Variants in FBXW11 observed in about 807,000 individuals in gnomAD.
The protein encoded by FBXW11 is F-box and WD repeat domain containing 11.
In FBXW11, 19 loss-of-function variants were observed where a neutral mutation model predicts 77.6. The observed-to-expected ratio is 0.24, with a 90% CI of 0.17 to 0.36. The LOEUF (loss-of-function observed/expected upper bound fraction) is 0.36. Among genes scored for constraint, FBXW11 ranks in the 10% least tolerant of loss-of-function variants. The probability of loss-of-function intolerance (pLI) is 1.00; values close to 1 mark genes in which losing one functional copy is unlikely to be tolerated. For missense variants in FBXW11, 334 were observed against 704.2 expected (o/e 0.47, Z 5.95); for synonymous variants, 235 against 249.4 (o/e 0.94, Z 0.54).
chr5:171,934,121 G>A (rs867003645), intron 2 of FBXW11, among the ~76,000 whole-genome samples: 5 of 152,244 alleles, frequency 3.3e-5, no homozygotes, highest in South Asian at 2.1e-4. Context: ...GCCTTAGTGC[G>A]TAAGCGCATA....
At chr5:171,878,521 C>A (rs1758255874) in intron 7 of FBXW11, among the ~76,000 whole-genome samples, 1 of 150,310 alleles carries the variant, frequency 6.7e-6, no homozygotes, top group East Asian at 1.9e-4. Context: ...AAAAGACCAG[C>A]CTGGGCAACA....
intron 4 of FBXW11, 101 bp downstream of exon 4, chr5:171,910,471 C>T: frequency 1.4e-6 from 1 of 691,230 alleles, no homozygotes; most frequent in Non-Finnish European, 2.4e-6. Context: ...AGAAATGCTG[C>T]CTCACACAGT....
chr5:171,902,394 T>C (rs1440464796), intron 4 of FBXW11, among the ~76,000 whole-genome samples: 5 of 152,190 alleles, frequency 3.3e-5, no homozygotes, highest in African/African-American at 7.2e-5. Context: ...ATTTATAAAG[T>C]GTAGATGAGC....
At position 171,872,037 on chromosome 5, in the gene FBXW11, A is replaced by C. The variant is rs982407156; in HGVS notation, c.1340+835T>G. ...CTAAACTAAATTTATGGTATCTTGAAGCCTAAAGTGATAAAGCAAACTTAA... is the reference window on the plus strand; with the variant it reads ...CTAAACTAAATTTATGGTATCTTGACGCCTAAAGTGATAAAGCAAACTTAA... On this transcript the variant is annotated intron_variant, in intron 10 of 13. Transcript: ENST00000517395. 4.6e-5 allele frequency among the ~76,000 whole-genome samples: 7 copies of C among 152,368 alleles called. No individual in the cohort carries two copies. In the South Asian group the frequency reaches 1.4e-3, roughly 32 times the overall value.
At chr5:171,917,403 T>G (rs1581198848) in intron 2 of FBXW11, among the ~76,000 whole-genome samples, 1 of 152,206 alleles carries the variant, frequency 6.6e-6, no homozygotes. Flanking sequence ...TCACTCTTCA[T>G]TTATTCCAAA....
chr5:171,921,240 G>T (rs980062325), intron 2 of FBXW11, among the ~76,000 whole-genome samples: 47 of 152,134 alleles, frequency 3.1e-4, no homozygotes, highest in African/African-American at 1.1e-3. Flanking sequence ...GGTACAACAG[G>T]CTCTTAGCAG....
At chr5:171,962,181 A>G (rs1337509485) in intron 1 of FBXW11, among the ~76,000 whole-genome samples, 1 of 152,092 alleles carries the variant, frequency 6.6e-6, no homozygotes, top group Non-Finnish European at 1.5e-5. Context: ...TACCATGGGT[A>G]TTTACCAATT....
chr5:171,937,388 T>C (rs1762532382), intron 2 of FBXW11, among the ~76,000 whole-genome samples: 1 of 152,192 alleles, frequency 6.6e-6, no homozygotes, highest in Non-Finnish European at 1.5e-5. Context: ...TGGCAAGCTT[T>C]TTCTGTAAAG....
chr5:171,973,944 T>C (rs977196839), intron 1 of FBXW11, among the ~76,000 whole-genome samples: 1 of 152,230 alleles, frequency 6.6e-6, no homozygotes, highest in Non-Finnish European at 1.5e-5. Context: ...TGGAATGATA[T>C]ATATGTGTGT....
chr5:171,962,364 C>T (rs953542561), intron 1 of FBXW11, among the ~76,000 whole-genome samples: 3 of 152,062 alleles, frequency 2.0e-5, no homozygotes, highest in Non-Finnish European at 2.9e-5. Flanking sequence ...GTTATAATTT[C>T]GTATTTAGCT....
chr5:171,951,831 T>C (rs1044981796), intron 2 of FBXW11, among the ~76,000 whole-genome samples: 33 of 152,120 alleles, frequency 2.2e-4, no homozygotes, highest in African/African-American at 8.0e-4. Flanking sequence ...GAAACAGTGG[T>C]TTGTAAAACT....
At chr5:171,943,498 C>T (rs1253908108) in intron 2 of FBXW11, among the ~76,000 whole-genome samples, 1 of 152,140 alleles carries the variant, frequency 6.6e-6, no homozygotes, top group Non-Finnish European at 1.5e-5. Context: ...CTCGCTCTGT[C>T]GCCAGGCTGG....
intron 6 of FBXW11, among the ~76,000 whole-genome samples, chr5:171,895,992 T>G (rs1323606538): frequency 6.6e-6 from 1 of 152,184 alleles, no homozygotes; most frequent in African/African-American, 2.4e-5. Context: ...AAGCTTACAA[T>G]ACTTATTTAT....
chr5:171,974,040 T>C (rs1224187240), intron 1 of FBXW11, among the ~76,000 whole-genome samples: 1 of 152,136 alleles, frequency 6.6e-6, no homozygotes, highest in Non-Finnish European at 1.5e-5. Flanking sequence ...GAGGGGAGAT[T>C]AGAGCAATGT....
intron 1 of FBXW11, among the ~76,000 whole-genome samples, chr5:171,992,448 G>A (rs1336195773): frequency 1.3e-5 from 2 of 149,784 alleles, no homozygotes; most frequent in African/African-American, 4.9e-5. Context: ...GAAAGGGGGA[G>A]AGAGAGAGAG....
chr5:171,957,801 A>G, intron 1 of FBXW11, 103 bp from the exon 2 acceptor site: 1 of 959,796 alleles, frequency 1.0e-6, no homozygotes, highest in South Asian at 1.4e-5. Flanking sequence ...CAGGGGGTGC[A>G]CCCTTGGCAG....
intron 1 of FBXW11, among the ~76,000 whole-genome samples, chr5:172,005,964 C>T (rs1766731937): frequency 6.6e-6 from 1 of 152,198 alleles, no homozygotes; most frequent in Admixed American, 6.5e-5. Context: ...CCACACAGAC[C>T]TAGGCTGGGG....
intron 7 of FBXW11, among the ~76,000 whole-genome samples, chr5:171,890,020 AAAAC>A (rs1389669241): frequency 2.6e-5 from 4 of 152,198 alleles, no homozygotes; most frequent in Non-Finnish European, 5.9e-5. Context: ...CAGTAATAAA[AAAAC>A]AAAGAACCCA....
intron 6 of FBXW11, among the ~76,000 whole-genome samples, chr5:171,894,861 T>C (rs1359919430): frequency 6.6e-6 from 1 of 152,186 alleles, no homozygotes; most frequent in Non-Finnish European, 1.5e-5. Flanking sequence ...AATGAGATTA[T>C]GTATATAAGT....
Sources: allele counts gnomAD v4.1 joint callset (sites outside exome capture counted in the v4.1 genomes callset), GRCh38; gene constraint gnomAD v4.1.1; transcripts MANE v1.5; gene names NCBI Gene and HGNC (gene_info 2026-07-23, HGNC 2026-07-21).